Variants in GALNT14 observed in about 807,000 individuals in gnomAD.
GALNT14 encodes polypeptide N-acetylgalactosaminyltransferase 14.
GALNT14 carries 60 observed loss-of-function variants against 77.5 expected under a neutral mutation model. That is an observed-to-expected ratio of 0.77 (90% CI 0.63 to 0.96). The LOEUF is 0.96. GALNT14 is among the 40% of genes least tolerant of loss of function. The pLI is 0.00. For missense variants in GALNT14, 710 were observed against 731.0 expected (o/e 0.97, Z 0.33); for synonymous variants, 280 against 281.7 (o/e 0.99, Z 0.06).
intron 2 of GALNT14, among the ~76,000 whole-genome samples, chr2:30,982,311 A>G (rs1184165189): frequency 1.3e-5 from 2 of 152,218 alleles, no homozygotes; most frequent in African/African-American, 4.8e-5. Flanking sequence ...AGAAGCTTCT[A>G]GGGGTACACC....
chr2:30,973,794 C>G (rs775463258), intron 2 of GALNT14, among the ~76,000 whole-genome samples: 43 of 152,308 alleles, frequency 2.8e-4, no homozygotes, highest in South Asian at 1.0e-3. Context: ...TGCTCTTATT[C>G]TTGCCTCAAT....
intron 1 of GALNT14, among the ~76,000 whole-genome samples, chr2:31,063,848 G>A (rs1203632005): frequency 2.0e-5 from 3 of 152,018 alleles, no homozygotes; most frequent in Non-Finnish European, 4.4e-5. Context: ...CTCATGATTT[G>A]GCTCTCTGCT....
At chr2:30,965,999 T>C (rs1427538571) in intron 3 of GALNT14, among the ~76,000 whole-genome samples, 1 of 152,202 alleles carries the variant, frequency 6.6e-6, no homozygotes, top group African/African-American at 2.4e-5. Context: ...CACAGGCCTC[T>C]GTCTTTCTAT....
At chr2:30,980,498 A>G (rs1668919671) in intron 2 of GALNT14, among the ~76,000 whole-genome samples, 2 of 152,350 alleles carry the variant, frequency 1.3e-5, no homozygotes, top group African/African-American at 4.8e-5. Context: ...GGCATTTGAC[A>G]TCAATTATTT....
the GALNT14 span, among the ~76,000 whole-genome samples, chr2:30,889,917 TAAC>T: frequency 6.6e-6 from 1 of 152,224 alleles, no homozygotes; most frequent in Non-Finnish European, 1.5e-5. Context: ...TAAAAGCACT[TAAC>T]AAGTTTTATA....
intron 9 of GALNT14, among the ~76,000 whole-genome samples, chr2:30,938,947 C>T (rs1008421398): frequency 3.9e-5 from 6 of 152,206 alleles, no homozygotes; most frequent in Admixed American, 1.3e-4. Context: ...TAAAGGGAAA[C>T]CCTTAAACAT....
chr2:31,102,464 G>T (rs1158454877), intron 1 of GALNT14, among the ~76,000 whole-genome samples: 1 of 151,818 alleles, frequency 6.6e-6, no homozygotes, highest in Non-Finnish European at 1.5e-5. Flanking sequence ...ATGGGCTTTT[G>T]GTTTTATGAT....
chr2:30,968,612 C>A (rs931265096), intron 2 of GALNT14, among the ~76,000 whole-genome samples: 5 of 152,188 alleles, frequency 3.3e-5, no homozygotes, highest in African/African-American at 1.2e-4. Flanking sequence ...GGAAGTGGGT[C>A]TGAAGCTCCA....
At chr2:31,019,606 AGGGGGAACCAG>A (rs927045780) in intron 1 of GALNT14, among the ~76,000 whole-genome samples, 7 of 152,190 alleles carry the variant, frequency 4.6e-5, no homozygotes, top group African/African-American at 1.4e-4. Flanking sequence ...GGATAGTCCC[AGGGGGAACCAG>A]GGTTTCTCAT....
chr2:31,063,814 G>A (rs1380354343), intron 1 of GALNT14, among the ~76,000 whole-genome samples: 1 of 152,050 alleles, frequency 6.6e-6, no homozygotes, highest in African/African-American at 2.4e-5. Flanking sequence ...TATTCTCTTT[G>A]TAGCAATTCT....
At chr2:31,075,632 C>A (rs1675727817) in intron 1 of GALNT14, among the ~76,000 whole-genome samples, 1 of 152,246 alleles carries the variant, frequency 6.6e-6, no homozygotes, top group Non-Finnish European at 1.5e-5. Flanking sequence ...TTTACAAGAG[C>A]TATTAGGGAC....
At position 31,027,886 on chromosome 2, in the gene GALNT14, C is replaced by CTGTGTGTG. The variant is rs10562223; in HGVS notation, c.130-34887_130-34880dup. Among the ~76,000 whole-genome samples the CTGTGTGTG allele has an allele frequency of 4.3e-3, 604 of 141,868 alleles. 6 individuals carry two copies. Among genetic ancestry groups the CTGTGTGTG allele is most frequent in the African/African-American group, 0.013 (509 of 38,484 alleles). 93.1% of individuals were successfully genotyped at this position (141,868 alleles called of 152,430 possible). On this transcript the variant is annotated intron_variant, in intron 1 of 14. Coordinates refer to ENST00000349752, the MANE Select transcript of GALNT14 (RefSeq NM_024572.4). ...TACTCTAAGAGGGCCCAGATGTATTCTGTGTGTGTGTGTGTGTGTGTGTGT... is the reference window on the plus strand; with the variant it reads ...TACTCTAAGAGGGCCCAGATGTATTCTGTGTGTGTGTGTGTGTGTGTGTGTGTGTGTGT...
At chr2:31,074,407 ATTT>A (rs58156416) in intron 1 of GALNT14, among the ~76,000 whole-genome samples, 63 of 149,618 alleles carry the variant, frequency 4.2e-4, no homozygotes, top group Admixed American at 8.6e-4. Context: ...TCTTTGGGGG[ATTT>A]TTTTTTTTGC....
intron 2 of GALNT14, among the ~76,000 whole-genome samples, chr2:30,972,415 GA>G (rs1668415251): frequency 6.6e-6 from 1 of 152,214 alleles, no homozygotes; most frequent in African/African-American, 2.4e-5. Flanking sequence ...TTACAGTGAT[GA>G]CGGTATCCAC....
chr2:30,974,052 C>G (rs938644847), intron 2 of GALNT14, among the ~76,000 whole-genome samples: 3 of 152,120 alleles, frequency 2.0e-5, no homozygotes, highest in African/African-American at 7.2e-5. Flanking sequence ...TAACACTAAC[C>G]CTGATGAGCA....
intron 12 of GALNT14, among the ~76,000 whole-genome samples, chr2:30,924,492 G>C (rs1373164963): frequency 2.0e-5 from 3 of 152,218 alleles, no homozygotes; most frequent in African/African-American, 2.4e-5. Flanking sequence ...CAGTGAGTCT[G>C]TAAGTCAGGG....
At chr2:31,111,034 T>C (rs566849717) in intron 1 of GALNT14, among the ~76,000 whole-genome samples, 41 of 152,306 alleles carry the variant, frequency 2.7e-4, no homozygotes, top group African/African-American at 7.0e-4. Flanking sequence ...CCTACCCCTA[T>C]GGTTGTTCAG....
chr2:31,136,129 A>C (rs1306223698), intron 1 of GALNT14, among the ~76,000 whole-genome samples: 3 of 150,546 alleles, frequency 2.0e-5, no homozygotes, highest in Non-Finnish European at 2.9e-5. Flanking sequence ...GGGCTGAGTG[A>C]GAAAAGTGAT....
intron 1 of GALNT14, among the ~76,000 whole-genome samples, chr2:31,088,845 A>T (rs1573331142): frequency 1.3e-5 from 2 of 152,184 alleles, no homozygotes; most frequent in Admixed American, 1.3e-4. Flanking sequence ...CATGAGAATA[A>T]CAAGAGGGGA....
Sources: gnomAD v4.1 joint callset for allele counts (sites outside exome capture counted in the v4.1 genomes callset) on GRCh38, gnomAD v4.1.1 for gene constraint, MANE v1.5 for transcripts, NCBI Gene and HGNC (gene_info 2026-07-23, HGNC 2026-07-21) for gene names.